The following AP3M1 variants were observed in gnomAD, a reference collection of about 807,000 sequenced individuals.
AP3M1 encodes adaptor related protein complex 3 subunit mu 1, also known as AP-3 complex subunit mu-1.
In AP3M1, 29 loss-of-function variants were observed where a neutral mutation model predicts 42.6. The observed-to-expected ratio is 0.68, with a 90% CI of 0.51 to 0.93. The LOEUF (loss-of-function observed/expected upper bound fraction) is 0.93. Among genes scored for constraint, AP3M1 ranks in the 40% least tolerant of loss-of-function variants. AP3M1 has a pLI of 0.00. For synonymous variants in AP3M1, 178 were observed against 175.3 expected (o/e 1.02, Z -0.12); for missense variants, 416 against 510.2 (o/e 0.82, Z 1.78).
At chr10:74,130,686 G>A (rs1031725761) in intron 4 of AP3M1, among the ~76,000 whole-genome samples, 1 of 152,000 alleles carries the variant, frequency 6.6e-6, no homozygotes, top group Non-Finnish European at 1.5e-5. Flanking sequence ...CAAGCAATCC[G>A]CCTACCTTAG....
intron 8 of AP3M1, 118 bp downstream of exon 8, chr10:74,124,262 A>G (rs1245649080): frequency 7.7e-7 from 1 of 1,298,428 alleles, no homozygotes; most frequent in East Asian, 2.4e-5. Flanking sequence ...CACAGTATAA[A>G]AGGCAAATGG....
At chr10:74,128,100 T>TAAAAAA (rs754897677) in intron 6 of AP3M1, among the ~76,000 whole-genome samples, 4 of 68,420 alleles carry the variant, frequency 5.8e-5, no homozygotes, top group African/African-American at 1.3e-4. Flanking sequence ...AACTCCGGCT[T>TAAAAAA]AAAAAAAAAA....
intron 6 of AP3M1, chr10:74,128,815 A>G (rs572379266): frequency 3.7e-6 from 1 of 272,326 alleles, no homozygotes; most frequent in African/African-American, 2.2e-5. Flanking sequence ...TTGACCATGC[A>G]TAACCTTGCA....
intron 1 of AP3M1, among the ~76,000 whole-genome samples, chr10:74,145,616 A>G (rs1841304657): frequency 6.6e-6 from 1 of 152,152 alleles, no homozygotes; most frequent in South Asian, 2.1e-4. Flanking sequence ...TGAGAAAACT[A>G]CACACTCATT....
Position 74,121,020 on chromosome 10 carries a change from G to C in AP3M1, c.*2790C>G, listed in dbSNP as rs1450509807. 1 of 152,104 alleles carries C rather than the reference G, an allele frequency of 6.6e-6. No homozygotes were observed. The highest frequency in any genetic ancestry group is 2.4e-5 in the African/African-American group (1 of 41,410). The allele number at this position is 152,104 out of a possible 1,614,324, so 9.4% of individuals were successfully genotyped here. On this transcript the variant is annotated 3_prime_UTR_variant, in exon 9 of 9. Transcript: ENST00000355264. ...TCCCTGATTTTCTAGATCTGAAAGGGGTAACATGTCATTAAAGGGTGATGA... is the reference window on the plus strand; with the variant it reads ...TCCCTGATTTTCTAGATCTGAAAGGCGTAACATGTCATTAAAGGGTGATGA...
intron 1 of AP3M1, among the ~76,000 whole-genome samples, chr10:74,149,323 T>G (rs1287731473): frequency 8.9e-6 from 1 of 112,692 alleles, no homozygotes; most frequent in Non-Finnish European, 1.7e-5. Context: ...AGAGTCTCGC[T>G]CTGTCGCTCA....
At chr10:74,142,332 T>C (rs1427715802) in intron 1 of AP3M1, among the ~76,000 whole-genome samples, 2 of 152,152 alleles carry the variant, frequency 1.3e-5, no homozygotes, top group Non-Finnish European at 2.9e-5. Context: ...TGAAGATAAA[T>C]TCCAAAGAGG....
At chr10:74,146,271 A>G (rs1330510301) in intron 1 of AP3M1, among the ~76,000 whole-genome samples, 1 of 152,236 alleles carries the variant, frequency 6.6e-6, no homozygotes, top group South Asian at 2.1e-4. Context: ...TGATTGGTTC[A>G]TGGAGCATGC....
At chr10:74,137,784 C>T (rs11000887) in intron 2 of AP3M1, among the ~76,000 whole-genome samples, 21,949 of 152,140 alleles carry the variant, frequency 0.14, 1,653 homozygotes, top group Middle Eastern at 0.22. Context: ...CTGTATTGTT[C>T]AAGTAATAAT....
intron 5 of AP3M1, among the ~76,000 whole-genome samples, chr10:74,129,579 C>A (rs1057262869): frequency 1.3e-5 from 2 of 152,136 alleles, no homozygotes; most frequent in African/African-American, 2.4e-5. Flanking sequence ...GTATATCATG[C>A]TGACTCTAAA....
At chr10:74,144,242 T>C (rs1416831732) in intron 1 of AP3M1, among the ~76,000 whole-genome samples, 1 of 151,726 alleles carries the variant, frequency 6.6e-6, no homozygotes, top group East Asian at 1.9e-4. Flanking sequence ...ATTACAGGCG[T>C]GAGCCACCAT....
At chr10:74,143,370 C>G (rs1841219169) in intron 1 of AP3M1, among the ~76,000 whole-genome samples, 2 of 152,254 alleles carry the variant, frequency 1.3e-5, no homozygotes, top group South Asian at 4.1e-4. Context: ...GTGCCTCAGC[C>G]TCCTCAGTAG....
In AP3M1 at chr10:74,136,871, T is replaced by C. The variant is rs1374987789; in HGVS notation, c.274-68A>G. The C allele has an allele frequency of 5.5e-6, 6 of 1,094,658 alleles. No homozygotes were observed. In the East Asian group the frequency reaches 1.3e-4, roughly 24 times the overall value. The allele number at this position is 1,094,658 out of a possible 1,614,324, so 67.8% of individuals were successfully genotyped here. On this transcript the variant is annotated intron_variant, in intron 2 of 8. Coordinates refer to ENST00000355264, the MANE Select transcript of AP3M1 (RefSeq NM_012095.6). ...AGAAAGGCCTGCTAAATACTTTTTG[T>C]TCTGAAGAATAAACTTAGAGTAGCA...
At chr10:74,131,361 G>A (rs1439960821) in intron 4 of AP3M1, among the ~76,000 whole-genome samples, 1 of 151,714 alleles carries the variant, frequency 6.6e-6, no homozygotes, top group Non-Finnish European at 1.5e-5. Context: ...TAGAGATGGG[G>A]TTTCACTGTG....
chr10:74,148,576 T>C (rs570135146), intron 1 of AP3M1, among the ~76,000 whole-genome samples: 3 of 152,310 alleles, frequency 2.0e-5, no homozygotes, highest in African/African-American at 7.2e-5. Context: ...AGATAGGGTC[T>C]TGTTTTGTTG....
rs1001302361 is a variant in AP3M1 at position 74,121,721 on chromosome 10, T to C, written c.*2089A>G. The C allele has an allele frequency of 6.6e-6, 1 of 152,236 alleles. No individual in the cohort carries two copies. The highest frequency in any genetic ancestry group is 6.5e-5 in the Admixed American group (1 of 15,290). 9.4% of individuals were successfully genotyped at this position (152,236 alleles called of 1,614,324 possible). A position where few individuals can be genotyped will look rare whatever the true frequency, so the allele number is the denominator to read the frequency against. On this transcript the variant is annotated 3_prime_UTR_variant, in exon 9 of 9. Coordinates refer to ENST00000355264, the MANE Select transcript of AP3M1 (RefSeq NM_012095.6). ...CTGCTTTGACAATGAGCCTTGCCCA[T>C]TGGAGAATGTTCAATCAATAGTAGA...
At chr10:74,137,590 G>C (rs1027865576) in intron 2 of AP3M1, among the ~76,000 whole-genome samples, 1 of 152,144 alleles carries the variant, frequency 6.6e-6, no homozygotes, top group African/African-American at 2.4e-5. Context: ...TCATCCCTTG[G>C]TATTTGTGGG....
At position 74,122,813 on chromosome 10, in the gene AP3M1, T is replaced by A. The variant is rs1411818919; in HGVS notation, c.*997A>T. The stretch of plus-strand genomic sequence containing the variant: ...CCTTAAGAACAACAACAAAAAAGAT[T>A]TAAAAAGACTGATGACTGTGAGGCA... On this transcript the variant is annotated 3_prime_UTR_variant, in exon 9 of 9. Transcript: ENST00000355264. The A allele has an allele frequency of 6.6e-6, 1 of 152,146 alleles. No individual in the cohort carries two copies. The highest frequency in any genetic ancestry group is 1.9e-4 in the East Asian group (1 of 5,200). The allele number at this position is 152,146 out of a possible 1,614,324, so 9.4% of individuals were successfully genotyped here. A position where few individuals can be genotyped will look rare whatever the true frequency, so the allele number is the denominator to read the frequency against.
chr10:74,137,667 A>G (rs935827144), intron 2 of AP3M1, among the ~76,000 whole-genome samples: 29 of 152,250 alleles, frequency 1.9e-4, no homozygotes, highest in East Asian at 7.7e-4. Context: ...ATAAAATGGC[A>G]TAGTATTTGC....
Sources: allele counts gnomAD v4.1 joint callset (sites outside exome capture counted in the v4.1 genomes callset), GRCh38; gene constraint gnomAD v4.1.1; transcripts MANE v1.5; gene names NCBI Gene and HGNC (gene_info 2026-07-23, HGNC 2026-07-21).